The following CDH18 variants were observed in gnomAD, a reference collection of about 807,000 sequenced individuals.
CDH18 encodes cadherin-18.
A neutral mutation model predicts 67.9 loss-of-function variants in CDH18; 31 were observed. That is an observed-to-expected ratio of 0.46 (90% CI 0.34 to 0.62). The LOEUF (loss-of-function observed/expected upper bound fraction) is 0.62. CDH18 is among the 20% of genes least tolerant of loss of function. The pLI is 0.01. For synonymous variants in CDH18, 362 were observed against 347.2 expected (o/e 1.04, Z -0.48); for missense variants, 890 against 975.5 (o/e 0.91, Z 1.17).
chr5:19,741,568 G>A lies in CDH18; in HGVS notation c.523+5374C>T, dbSNP rs1041218164. Among the ~76,000 whole-genome samples the A allele has an allele frequency of 4.0e-5, 6 of 151,892 alleles. No individual in the cohort carries two copies. The East Asian group carries it at 9.7e-4, about 24-fold the overall frequency. On this transcript the variant is annotated intron_variant, in intron 4 of 12. Transcript: ENST00000382275. ...GTTTTCATACTATTGTGCACTTCAAGATGACAATTAATATTTAAACACTGC... is the reference window on the plus strand; with the variant it reads ...GTTTTCATACTATTGTGCACTTCAAAATGACAATTAATATTTAAACACTGC...
intron 1 of CDH18, among the ~76,000 whole-genome samples, chr5:20,501,562 TATATATA>T (rs1290456844): frequency 0.039 from 728 of 18,662 alleles, 30 homozygotes; most frequent in East Asian, 0.29. Context: ...ATATAATATA[TATATATA>T]ATATATATAT....
chr5:19,654,326 A>T lies in CDH18; in HGVS notation c.644-41725T>A, dbSNP rs1307945989. 2.0e-5 allele frequency among the ~76,000 whole-genome samples: 3 copies of T among 152,202 alleles called. No individual in the cohort carries two copies. The East Asian group carries it at 5.8e-4, about 29-fold the overall frequency. On this transcript the variant is annotated intron_variant, in intron 5 of 12. Coordinates refer to ENST00000382275, the MANE Select transcript of CDH18 (RefSeq NM_004934.5). ...TAACTAAAAAGTGAAAATCCTGTCTACACCAGTATATTTGAAACTACAATA... is the reference window on the plus strand; with the variant it reads ...TAACTAAAAAGTGAAAATCCTGTCTTCACCAGTATATTTGAAACTACAATA...
chr5:20,224,688 A>T (rs949233647), intron 2 of CDH18, among the ~76,000 whole-genome samples: 23 of 152,128 alleles, frequency 1.5e-4, no homozygotes, highest in African/African-American at 5.6e-4. Flanking sequence ...TAAATTAAAG[A>T]ACAAATAGTG....
chr5:20,242,649 T>TATACATAC (rs1561906147), intron 2 of CDH18, among the ~76,000 whole-genome samples: 1 of 39,778 alleles, frequency 2.5e-5, no homozygotes, highest in Non-Finnish European at 5.5e-5. Flanking sequence ...TATATATATA[T>TATACATAC]ATGTAAATGG....
intron 2 of CDH18, among the ~76,000 whole-genome samples, chr5:19,909,339 G>A (rs1435892829): frequency 1.5e-5 from 2 of 136,240 alleles, no homozygotes; most frequent in Non-Finnish European, 3.1e-5. Context: ...CTTGCTCCTT[G>A]CCCTGCCTGG....
intron 2 of CDH18, among the ~76,000 whole-genome samples, chr5:19,851,557 G>C (rs1783694177): frequency 1.3e-5 from 2 of 151,426 alleles, no homozygotes; most frequent in East Asian, 3.9e-4. Flanking sequence ...GTAAATGAAA[G>C]AAGAAAACTA....
chr5:20,211,128 T>C (rs753567849), intron 2 of CDH18, among the ~76,000 whole-genome samples: 3 of 152,126 alleles, frequency 2.0e-5, no homozygotes, highest in Non-Finnish European at 2.9e-5. Flanking sequence ...ATAAAAATTA[T>C]GTTTATAATA....
chr5:20,425,337 C>T (rs1339027248), intron 1 of CDH18, among the ~76,000 whole-genome samples: 1 of 150,364 alleles, frequency 6.7e-6, no homozygotes, highest in Non-Finnish European at 1.5e-5. Flanking sequence ...CGCGATTGCA[C>T]TCCAGCCTAG....
chr5:19,877,794 G>A (rs1554055755), intron 2 of CDH18, among the ~76,000 whole-genome samples: 1 of 152,148 alleles, frequency 6.6e-6, no homozygotes, highest in Non-Finnish European at 1.5e-5. Context: ...AGAGACAGAT[G>A]TTTGAGGACA....
At chr5:20,305,746 G>A (rs541946507) in intron 1 of CDH18, 1 of 330,732 alleles carries the variant, frequency 3.0e-6, no homozygotes, top group Non-Finnish European at 5.6e-6. Flanking sequence ...GAACCGCGCC[G>A]AACACGCTTT....
chr5:20,221,720 C>G (rs2126452556), intron 2 of CDH18, among the ~76,000 whole-genome samples: 1 of 152,094 alleles, frequency 6.6e-6, no homozygotes, highest in South Asian at 2.1e-4. Flanking sequence ...ATCAAAGTAT[C>G]TCATGTATCT....
At chr5:20,288,726 G>T (rs578225211) in intron 1 of CDH18, among the ~76,000 whole-genome samples, 2 of 151,920 alleles carry the variant, frequency 1.3e-5, no homozygotes, top group Non-Finnish European at 2.9e-5. Context: ...AGAGCCACAA[G>T]AAAACTGTAC....
chr5:20,185,283 C>A (rs1374227472), intron 2 of CDH18, among the ~76,000 whole-genome samples: 1 of 152,042 alleles, frequency 6.6e-6, no homozygotes, highest in African/African-American at 2.4e-5. Context: ...TATATATTAG[C>A]CTGCAGTAGT....
intron 3 of CDH18, among the ~76,000 whole-genome samples, chr5:19,826,710 C>G (rs1780442340): frequency 6.6e-6 from 1 of 152,134 alleles, no homozygotes; most frequent in African/African-American, 2.4e-5. Context: ...ACCAGACCTG[C>G]CTAACAGGAG....
At chr5:20,149,572 C>A (rs1750938613) in intron 2 of CDH18, among the ~76,000 whole-genome samples, 1 of 152,108 alleles carries the variant, frequency 6.6e-6, no homozygotes, top group Non-Finnish European at 1.5e-5. Context: ...AAAAACAAAG[C>A]AAGGGTTTCC....
At chr5:19,910,983 C>T (rs1204779258) in intron 2 of CDH18, among the ~76,000 whole-genome samples, 1 of 152,056 alleles carries the variant, frequency 6.6e-6, no homozygotes, top group Non-Finnish European at 1.5e-5. Flanking sequence ...TAGGTACCTA[C>T]TGAGTAAGCA....
At chr5:20,325,750 C>T (rs1738510605) in intron 1 of CDH18, among the ~76,000 whole-genome samples, 1 of 152,060 alleles carries the variant, frequency 6.6e-6, no homozygotes, top group African/African-American at 2.4e-5. Context: ...TTACAATCAT[C>T]CTTTCCAATG....
In CDH18 at chr5:20,011,855, A is replaced by G. The variant is rs183115190; in HGVS notation, c.-517-19841T>C. On this transcript the variant is annotated intron_variant, in intron 2 of 14. Coordinates refer to the CDH18 transcript ENST00000507958. The stretch of plus-strand genomic sequence containing the variant: ...TGAGGGCTGGATTCGTATTGTCAGT[A>G]TTTTTGCATCAATGTTCATCAAGGA... 3.0e-3 allele frequency among the ~76,000 whole-genome samples: 454 copies of G among 152,022 alleles called. 3 individuals are homozygous for G. Among genetic ancestry groups the G allele is most frequent in the African/African-American group, 0.01 (425 of 41,480 alleles).
At chr5:20,245,109 T>C (rs936430454) in intron 2 of CDH18, among the ~76,000 whole-genome samples, 1 of 152,140 alleles carries the variant, frequency 6.6e-6, no homozygotes, top group African/African-American at 2.4e-5. Context: ...AAAATGGCTT[T>C]TCTTTTCCTT....
Sources: allele counts gnomAD v4.1 joint callset (sites outside exome capture counted in the v4.1 genomes callset), GRCh38; gene constraint gnomAD v4.1.1; transcripts MANE v1.5; gene names NCBI Gene and HGNC (gene_info 2026-07-23, HGNC 2026-07-21).